CACNA2D3: variants seen among roughly 807,000 people sequenced by gnomAD.
CACNA2D3 encodes voltage-dependent calcium channel subunit alpha-2/delta-3.
In CACNA2D3, 60 loss-of-function variants were observed where a neutral mutation model predicts 160.6. The observed-to-expected ratio is 0.37, with a 90% confidence interval of 0.30 to 0.46. CACNA2D3 has a LOEUF of 0.46. Ranked by LOEUF, CACNA2D3 falls within the 20% of genes least tolerant of loss-of-function variation. CACNA2D3 has a pLI of 1.00. For missense variants in CACNA2D3, 1,205 were observed against 1,365.0 expected (o/e 0.88, Z 1.85); for synonymous variants, 558 against 492.9 (o/e 1.13, Z -1.75).
chr3:54,815,960 T>A (rs1703439008), intron 13 of CACNA2D3, among the ~76,000 whole-genome samples: 2 of 152,238 alleles, frequency 1.3e-5, no homozygotes, highest in African/African-American at 4.8e-5. Flanking sequence ...CACTGCATGC[T>A]ATAATGGCAG....
chr3:54,693,825 A>T (rs548764478), intron 11 of CACNA2D3, among the ~76,000 whole-genome samples: 9 of 152,294 alleles, frequency 5.9e-5, no homozygotes, highest in African/African-American at 2.2e-4. Flanking sequence ...TAAAAGTAGA[A>T]AAAAGCTAAT....
intron 2 of CACNA2D3, among the ~76,000 whole-genome samples, chr3:54,183,903 A>G (rs1700831177): frequency 6.7e-6 from 1 of 150,250 alleles, no homozygotes; most frequent in Non-Finnish European, 1.5e-5. Context: ...AAAAAAAAAA[A>G]AAAAAAAAAA....
chr3:54,563,529 G>C (rs749651093), intron 6 of CACNA2D3, among the ~76,000 whole-genome samples: 1 of 152,174 alleles, frequency 6.6e-6, no homozygotes, highest in Non-Finnish European at 1.5e-5. Flanking sequence ...CTTTGGAACA[G>C]GTGTTCCTTC....
chr3:54,503,399 T>C, intron 4 of CACNA2D3, 93 bp from the exon 5 acceptor site: 1 of 1,098,136 alleles, frequency 9.1e-7, no homozygotes, highest in South Asian at 1.4e-5. Flanking sequence ...GTCCACAGTG[T>C]AAGGGATGGC....
At chr3:54,883,224 A>C (rs934248077) in intron 21 of CACNA2D3, among the ~76,000 whole-genome samples, 15 of 152,224 alleles carry the variant, frequency 9.9e-5, no homozygotes, top group South Asian at 6.2e-4. Context: ...GGGTTTCACC[A>C]TGTTGGTTAG....
chr3:54,829,393 A>C (rs1427631563), intron 14 of CACNA2D3, among the ~76,000 whole-genome samples: 2 of 152,096 alleles, frequency 1.3e-5, no homozygotes, highest in Non-Finnish European at 2.9e-5. Flanking sequence ...GGGGTGGTGC[A>C]AGTAGTTGGC....
At chr3:54,464,886 A>G (rs1700585795) in intron 4 of CACNA2D3, among the ~76,000 whole-genome samples, 1 of 152,214 alleles carries the variant, frequency 6.6e-6, no homozygotes, top group Non-Finnish European at 1.5e-5. Context: ...TGGGAGCTGT[A>G]GACCGGAGCT....
chr3:54,233,292 G>GGAAT (rs1427232145), intron 2 of CACNA2D3, among the ~76,000 whole-genome samples: 3 of 152,168 alleles, frequency 2.0e-5, no homozygotes, highest in Non-Finnish European at 2.9e-5. Flanking sequence ...GGCATGATGT[G>GGAAT]GAATGAATGA....
intron 5 of CACNA2D3, among the ~76,000 whole-genome samples, chr3:54,534,902 G>C (rs1435614835): frequency 6.6e-6 from 1 of 152,176 alleles, no homozygotes; most frequent in Non-Finnish European, 1.5e-5. Flanking sequence ...ACTGCAGCCT[G>C]GGTGACAGAG....
At chr3:54,446,968 C>G (rs543305774) in intron 4 of CACNA2D3, among the ~76,000 whole-genome samples, 2 of 152,156 alleles carry the variant, frequency 1.3e-5, no homozygotes, top group Admixed American at 1.3e-4. Context: ...ATCCCGGAGG[C>G]GGGTATCCTA....
At chr3:54,434,566 T>G (rs1700034683) in intron 4 of CACNA2D3, among the ~76,000 whole-genome samples, 1 of 152,226 alleles carries the variant, frequency 6.6e-6, no homozygotes, top group Non-Finnish European at 1.5e-5. Flanking sequence ...TTTGGTTTGA[T>G]TTGCATCAGA....
chr3:54,307,868 G>T (rs144551014), intron 2 of CACNA2D3, among the ~76,000 whole-genome samples: 69 of 152,278 alleles, frequency 4.5e-4, no homozygotes, highest in Middle Eastern at 6.8e-3. Context: ...AACTAATATC[G>T]TGTGCTAGAG....
At chr3:54,798,386 A>C (rs1290577985) in intron 13 of CACNA2D3, among the ~76,000 whole-genome samples, 1 of 152,104 alleles carries the variant, frequency 6.6e-6, no homozygotes, top group Non-Finnish European at 1.5e-5. Context: ...TACCAAAAAA[A>C]ATAGCCAGGC....
At chr3:54,569,744 G>A (rs1702464466) in intron 6 of CACNA2D3, 51 bp from the exon 7 acceptor site, 1 of 1,389,610 alleles carries the variant, frequency 7.2e-7, no homozygotes. Flanking sequence ...GAAATGCTAT[G>A]AATAAATATT....
intron 11 of CACNA2D3, among the ~76,000 whole-genome samples, chr3:54,643,245 G>T (rs912413488): frequency 6.6e-6 from 1 of 152,088 alleles, no homozygotes; most frequent in African/African-American, 2.4e-5. Flanking sequence ...AATGACAGCT[G>T]TGTCCTCAAC....
At chr3:55,010,746 A>G (rs1703194022) in intron 34 of CACNA2D3, among the ~76,000 whole-genome samples, 1 of 152,170 alleles carries the variant, frequency 6.6e-6, no homozygotes, top group African/African-American at 2.4e-5. Flanking sequence ...CTTTCCCTTA[A>G]GATCCCAGTC....
intron 11 of CACNA2D3, among the ~76,000 whole-genome samples, chr3:54,674,273 G>C (rs962078270): frequency 6.6e-6 from 1 of 152,140 alleles, no homozygotes; most frequent in African/African-American, 2.4e-5. Flanking sequence ...TTTTCAAAGG[G>C]GAGCCACAGA....
At chr3:54,837,871 C>T (rs1032123282) in intron 15 of CACNA2D3, among the ~76,000 whole-genome samples, 22 of 152,148 alleles carry the variant, frequency 1.4e-4, no homozygotes, top group African/African-American at 4.6e-4. Flanking sequence ...ATGATTTCAT[C>T]TCAAGATCCT....
chr3:54,589,808 G>A (rs1247638847), intron 9 of CACNA2D3, among the ~76,000 whole-genome samples: 1 of 152,172 alleles, frequency 6.6e-6, no homozygotes, highest in Non-Finnish European at 1.5e-5. Flanking sequence ...GATACTCAGT[G>A]TTCTTAGCCA....
Sources: gnomAD v4.1 joint callset for allele counts (sites outside exome capture counted in the v4.1 genomes callset) on GRCh38, gnomAD v4.1.1 for gene constraint, MANE v1.5 for transcripts, NCBI Gene and HGNC (gene_info 2026-07-23, HGNC 2026-07-21) for gene names.